Variants in RITA1 observed in about 807,000 individuals in gnomAD.
RITA1 encodes the protein RBPJ-interacting and tubulin-associated protein 1.
In RITA1, 15 loss-of-function variants were observed where a neutral mutation model predicts 8.7. The observed-to-expected ratio is 1.72, with a 90% confidence interval of 1.15 to 2.65. The LOEUF is 2.65. RITA1 is among the 30% of genes most tolerant of loss of function. RITA1 has a pLI of 0.00. For missense variants in RITA1, 330 were observed against 363.8 expected (o/e 0.91, Z 0.76); for synonymous variants, 145 against 156.2 (o/e 0.93, Z 0.53).
At position 113,186,185 on chromosome 12, in the gene RITA1, C is replaced by A; in HGVS notation, c.-196C>A. The A allele has an allele frequency of 1.5e-6, 2 of 1,367,448 alleles. No individual in the cohort carries two copies. Among genetic ancestry groups the A allele is most frequent in the South Asian group, 1.4e-5 (1 of 73,360 alleles). The allele number at this position is 1,367,448 out of a possible 1,614,324, so 84.7% of individuals were successfully genotyped here. On this transcript the variant is annotated splice_region_variant and 5_prime_UTR_variant, in exon 2 of 4. Transcript: ENST00000548278. ...TCAGATTTCACTTCCACCGTTTTAG[C>A]TTTATAGGTGTGACCTACACATGTG...
Position 113,191,909 on chromosome 12 carries a change from G to A in RITA1, c.*92G>A. On this transcript the variant is annotated 3_prime_UTR_variant, in exon 4 of 4. Transcript: ENST00000548278. The surrounding 1 kb of genome is among the most constrained non-coding windows in gnomAD (Gnocchi z 4.0). ...ACATTCATCACCCAGGGAACCCCAG[G>A]TATTAAAGAAGCCCCTGTGGGGGCA... is the stretch of plus-strand genomic sequence containing the variant. The A allele has an allele frequency of 2.0e-6, 3 of 1,478,236 alleles. No individual in the cohort carries two copies. Among genetic ancestry groups the A allele is most frequent in the Non-Finnish European group, 2.7e-6 (3 of 1,103,246 alleles). 91.6% of individuals were successfully genotyped at this position (1,478,236 alleles called of 1,614,324 possible). A position where few individuals can be genotyped will look rare whatever the true frequency, so the allele number is the denominator to read the frequency against.
Position 113,191,416 on chromosome 12 carries a change from C to T in RITA1, c.409C>T (p.Leu137Phe). 6.2e-7 allele frequency: 1 copy of T among 1,609,894 alleles called. No homozygotes were observed. The highest frequency in any genetic ancestry group is 8.5e-7 in the Non-Finnish European group (1 of 1,177,222). Residue 137 changes from leucine (L) to phenylalanine (F), a missense_variant, in exon 4 of 4, where the codon CTC (leucine) becomes TTC (phenylalanine). Leu to Phe is a conservative substitution (Grantham distance 22). Coordinates refer to ENST00000548278, the MANE Select transcript of RITA1 (RefSeq NM_032848.3). This position sits in a 1 kb window ranked among gnomAD's most constrained non-coding sequence, Gnocchi z 4.0. ...GATGGCGAAGGGGGATGCCGCAAAG[C>T]TCCGTGCTCTCTTGTGGACGCCACC... ...PRMAKGDAAK[L>F]RALLWTPPPT...
rs935890932 is a variant in RITA1, at chr12:113,185,729, T to C, written c.-489T>C. ...GTCCGGGCCGCGTCCGCAGTGCTGC[T>C]GGCTGCTCCCTGGTTGCTGGGTGCA... is the stretch of plus-strand genomic sequence containing the variant. On this transcript the variant is annotated 5_prime_UTR_variant, in exon 1 of 4. Transcript: ENST00000548278. The C allele has an allele frequency of 9.7e-5, 56 of 575,310 alleles. No homozygotes were observed. Among genetic ancestry groups the C allele is most frequent in the Admixed American group, 3.9e-4 (12 of 30,484 alleles). The allele number at this position is 575,310 out of a possible 1,614,324, so 35.6% of individuals were successfully genotyped here. A position where few individuals can be genotyped will look rare whatever the true frequency, so the allele number is the denominator to read the frequency against.
Position 113,186,220 on chromosome 12 carries a change from C to G in RITA1, c.-161C>G. On this transcript the variant is annotated 5_prime_UTR_variant, in exon 2 of 4. It introduces an in-frame stop codon into an upstream open reading frame of the 5' UTR. Transcript: ENST00000548278. ...GTGACCTACACATGTGACTTCACCT[C>G]AGTTTTGTGATCCGTAAAATGGACA... is the stretch of plus-strand genomic sequence containing the variant. 3 of 1,357,378 alleles carry G rather than the reference C, an allele frequency of 2.2e-6. No individual in the cohort carries two copies. Among genetic ancestry groups the G allele is most frequent in the Non-Finnish European group, 2.9e-6 (3 of 1,023,320 alleles). 84.1% of individuals were successfully genotyped at this position (1,357,378 alleles called of 1,614,324 possible).
In RITA1 at chr12:113,186,823, G is replaced by A. The variant is rs199689319; in HGVS notation, c.77G>A (p.Arg26Gln). The A allele has an allele frequency of 3.1e-6, 5 of 1,613,784 alleles. No individual in the cohort carries two copies. Among genetic ancestry groups the A allele is most frequent in the South Asian group, 1.1e-5 (1 of 91,090 alleles). ...CAGCACCGCTGCCGAGGTGGCTACC[G>A]GGTCAAGGCCAGGACGTCATATGTG... ...GLQHRCRGGYRVKARTSYVDE... is the reference protein window; with the variant it reads ...GLQHRCRGGYQVKARTSYVDE... The change falls in exon 3 of 4, where the codon CGG becomes CAG. Residue 26 changes from arginine to glutamine, a missense_variant. Arg to Gln is a conservative substitution (Grantham distance 43). Coordinates refer to ENST00000548278, the MANE Select transcript of RITA1 (RefSeq NM_032848.3).
chr12:113,189,727 T>C (rs1353178985), intron 3 of RITA1, among the ~76,000 whole-genome samples: 1 of 139,516 alleles, frequency 7.2e-6, no homozygotes, highest in Non-Finnish European at 1.5e-5. Flanking sequence ...TGAATATCTG[T>C]TGAATAAAAA....
In RITA1 at chr12:113,191,792, A is replaced by G; in HGVS notation, c.785A>G (p.Gln262Arg). The G allele has an allele frequency of 1.2e-6, 2 of 1,608,318 alleles. No homozygotes were observed. The highest frequency in any genetic ancestry group is 3.4e-5 in the Admixed American group (2 of 59,416). The change falls in exon 4 of 4, where the codon CAG (glutamine) becomes CGG (arginine). Residue 262 changes from glutamine to arginine, a missense_variant. Gln to Arg is a conservative substitution (Grantham distance 43, BLOSUM62 1). Coordinates refer to ENST00000548278, the MANE Select transcript of RITA1 (RefSeq NM_032848.3). This position sits in a 1 kb window ranked among gnomAD's most constrained non-coding sequence, Gnocchi z 4.0. ...PSTPRRGGAT[Q>R]KPKPPWK ...ACCCCACGACGAGGTGGGGCCACCCAGAAACCAAAGCCCCCTTGGAAATGA... is the reference window on the plus strand; with the variant it reads ...ACCCCACGACGAGGTGGGGCCACCCGGAAACCAAAGCCCCCTTGGAAATGA...
chr12:113,188,321 G>A (rs953096909), intron 3 of RITA1, among the ~76,000 whole-genome samples: 13 of 151,620 alleles, frequency 8.6e-5, no homozygotes, highest in Middle Eastern at 3.4e-3. Flanking sequence ...AGGTTCAAGC[G>A]ATTCTCCTGC....
At position 113,186,319 on chromosome 12, in the gene RITA1, A is replaced by G. The variant is rs141535454; in HGVS notation, c.-65+3A>G. 10 of 1,382,526 alleles carry G rather than the reference A, an allele frequency of 7.2e-6. No individual in the cohort carries two copies. In the African/African-American group the frequency reaches 1.5e-4, roughly 20 times the overall value. 85.6% of individuals were successfully genotyped at this position (1,382,526 alleles called of 1,614,324 possible). On this transcript the variant is annotated splice_donor_region_variant and intron_variant, in intron 2 of 3. Coordinates refer to ENST00000548278, the MANE Select transcript of RITA1 (RefSeq NM_032848.3). ...GCTTGTAAAGCTCTTTGCAGGAGGTAGGCATGGGATCCACGCTGGCTGTCA... is the reference window on the plus strand; with the variant it reads ...GCTTGTAAAGCTCTTTGCAGGAGGTGGGCATGGGATCCACGCTGGCTGTCA...
intron 3 of RITA1, among the ~76,000 whole-genome samples, chr12:113,190,538 A>G (rs932758202): frequency 3.9e-5 from 6 of 152,078 alleles, no homozygotes; most frequent in Admixed American, 3.3e-4. Flanking sequence ...AGTCCCAGCT[A>G]TTAGGGAGGC....
At chr12:113,187,262 C>G (rs888384371) in intron 3 of RITA1, 4 of 503,540 alleles carry the variant, frequency 7.9e-6, no homozygotes, top group Non-Finnish European at 1.4e-5. Context: ...GCACAGTAAC[C>G]TAATACTTAG....
intron 3 of RITA1, among the ~76,000 whole-genome samples, chr12:113,189,081 A>C (rs1593016836): frequency 6.6e-6 from 1 of 152,014 alleles, no homozygotes. Context: ...AAGTGCTGGA[A>C]TTACAGATGT....
chr12:113,186,152 C>T, intron 1 of RITA1, 33 bp from the exon 2 acceptor site: 3 of 1,416,972 alleles, frequency 2.1e-6, no homozygotes, highest in South Asian at 2.5e-5. Flanking sequence ...AGTACACAAG[C>T]TCTGGACTCA....
In RITA1 at chr12:113,186,915, G is replaced by T. The variant is rs773145511; in HGVS notation, c.169G>T (p.Val57Leu). ...PTPPDFDPPW[V>L]EKANRTRGVG... is the part of the protein sequence containing the mutation. ...CCCACCGGACTTCGATCCGCCCTGG[G>T]TGGAGAAGGCTAACAGAACCAGAGG... is the stretch of plus-strand genomic sequence containing the variant. Residue 57 changes from valine (V) to leucine (L), a missense_variant, in exon 3 of 4, where the codon GTG (valine) becomes TTG (leucine). Coordinates refer to ENST00000548278, the MANE Select transcript of RITA1 (RefSeq NM_032848.3). 6.2e-7 allele frequency: 1 copy of T among 1,614,160 alleles called. No homozygotes were observed. The highest frequency in any genetic ancestry group is 1.1e-5 in the South Asian group (1 of 91,078).
intron 3 of RITA1, chr12:113,187,413 TAATGTG>T (rs1952550914): frequency 5.1e-6 from 1 of 196,332 alleles, no homozygotes; most frequent in South Asian, 1.5e-4. Context: ...TTATTAATAT[TAATGTG>T]TTCGATCCTT....
chr12:113,185,991 G>A lies in RITA1; in HGVS notation c.-227G>A. On this transcript the variant is annotated 5_prime_UTR_variant, in exon 1 of 4. Transcript: ENST00000548278. ...GAAGGTGCGGGGACGGGTCCCTGAGGATCCCGATGCCTACGAGCCAAGATG... is the reference window on the plus strand; with the variant it reads ...GAAGGTGCGGGGACGGGTCCCTGAGAATCCCGATGCCTACGAGCCAAGATG... The A allele has an allele frequency of 6.5e-7, 1 of 1,535,940 alleles. No individual in the cohort carries two copies. The highest frequency in any genetic ancestry group is 1.2e-5 in the South Asian group (1 of 84,064).
At chr12:113,190,574 A>G (rs2136335636) in intron 3 of RITA1, among the ~76,000 whole-genome samples, 1 of 152,342 alleles carries the variant, frequency 6.6e-6, no homozygotes, top group African/African-American at 2.4e-5. Context: ...GCTTGGGCCC[A>G]GGAATTTGAG....
rs563301916 is a variant in RITA1, at chr12:113,187,051, A to T, written c.302+3A>T. 2 of 1,565,948 alleles carry T rather than the reference A, an allele frequency of 1.3e-6. No individual in the cohort carries two copies. The highest frequency in any genetic ancestry group is 1.7e-6 in the Non-Finnish European group (2 of 1,154,522). Reference sequence around the variant, plus strand: ...CCAAGGAAGAAGAACAAATACAGGTAATGGGGTAGGGAGATGCAAATCCTG... The same window carrying T: ...CCAAGGAAGAAGAACAAATACAGGTTATGGGGTAGGGAGATGCAAATCCTG... On this transcript the variant is annotated splice_donor_region_variant and intron_variant, in intron 3 of 3. Transcript: ENST00000548278.
rs996372488 is a variant in RITA1 at position 113,192,164 on chromosome 12, G to A, written c.*347G>A. On this transcript the variant is annotated 3_prime_UTR_variant, in exon 4 of 4. Coordinates refer to ENST00000548278, the MANE Select transcript of RITA1 (RefSeq NM_032848.3). ...AACGGCGTGATTGCCAACCTGGAGGGTCCCCTCTTATCCCTTCAAGCCAAG... is the reference window on the plus strand; with the variant it reads ...AACGGCGTGATTGCCAACCTGGAGGATCCCCTCTTATCCCTTCAAGCCAAG... 60 of 235,918 alleles carry A rather than the reference G, an allele frequency of 2.5e-4. No homozygotes were observed. Among genetic ancestry groups the A allele is most frequent in the Non-Finnish European group, 4.7e-4 (57 of 121,072 alleles). 14.6% of individuals were successfully genotyped at this position (235,918 alleles called of 1,614,324 possible).
Sources: gnomAD v4.1 joint callset for allele counts (sites outside exome capture counted in the v4.1 genomes callset) on GRCh38, gnomAD v4.1.1 for gene constraint, Gnocchi (gnomAD v3.1) non-coding constraint, MANE v1.5 for transcripts, NCBI Gene and HGNC (gene_info 2026-07-23, HGNC 2026-07-21) for gene names.